MACROD2: variants seen among roughly 807,000 people sequenced by gnomAD.
The protein encoded by MACROD2 is ADP-ribose glycohydrolase MACROD2.
Under a neutral mutation model 70.4 loss-of-function variants are expected in MACROD2, and 36 were observed. The observed-to-expected ratio is 0.51, with a 90% CI of 0.39 to 0.68. The LOEUF (loss-of-function observed/expected upper bound fraction) is 0.68. Ranked by LOEUF, MACROD2 falls within the 30% of genes least tolerant of loss-of-function variation. MACROD2 has a pLI of 0.00. For synonymous variants in MACROD2, 172 were observed against 178.8 expected (o/e 0.96, Z 0.30); for missense variants, 496 against 538.4 (o/e 0.92, Z 0.78).
At chr20:14,512,061 G>A (rs149173885) in intron 4 of MACROD2, among the ~76,000 whole-genome samples, 1 of 152,224 alleles carries the variant, frequency 6.6e-6, no homozygotes, top group East Asian at 1.9e-4. Flanking sequence ...GCTGTCAAGA[G>A]TAGGGAAGAT....
chr20:14,821,307 G>C (rs1419092183), intron 5 of MACROD2, among the ~76,000 whole-genome samples: 4 of 151,956 alleles, frequency 2.6e-5, no homozygotes, highest in African/African-American at 9.7e-5. Context: ...TTTCACTAAG[G>C]GAAGTTTACA....
At chr20:14,906,724 A>G (rs74509040) in intron 5 of MACROD2, among the ~76,000 whole-genome samples, 1,688 of 152,296 alleles carry the variant, frequency 0.011, 32 homozygotes, top group East Asian at 0.057. Flanking sequence ...ATAAAAGAAC[A>G]GGATCTTTTT....
chr20:14,990,515 C>CTTTTTTT (rs541686087), intron 5 of MACROD2, among the ~76,000 whole-genome samples: 5 of 129,354 alleles, frequency 3.9e-5, no homozygotes, highest in Non-Finnish European at 5.0e-5. Flanking sequence ...TTTTCTTTTT[C>CTTTTTTT]TTTTTTTTTT....
At chr20:15,807,955 GACCCCTGACCTAATCA>G (rs1050267897) in intron 8 of MACROD2, among the ~76,000 whole-genome samples, 72 of 152,146 alleles carry the variant, frequency 4.7e-4, no homozygotes, top group African/African-American at 1.7e-3. Flanking sequence ...GTTAAAGATC[GACCCCTGACCTAATCA>G]GTTATTTGCA....
intron 7 of MACROD2, among the ~76,000 whole-genome samples, chr20:15,451,420 A>AAT (rs1174729042): frequency 1.6e-5 from 2 of 126,420 alleles, no homozygotes; most frequent in Non-Finnish European, 3.4e-5. Flanking sequence ...TGGTAAATAA[A>AAT]AAAAAAAAAA....
At chr20:14,152,263 T>C (rs1433832773) in intron 3 of MACROD2, among the ~76,000 whole-genome samples, 1 of 152,204 alleles carries the variant, frequency 6.6e-6, no homozygotes, top group Non-Finnish European at 1.5e-5. Flanking sequence ...TTTTTAAAAA[T>C]CAACTAAAAT....
intron 5 of MACROD2, among the ~76,000 whole-genome samples, chr20:14,892,366 T>A (rs575488094): frequency 5.0e-4 from 76 of 151,960 alleles, no homozygotes; most frequent in African/African-American, 1.8e-3. Context: ...TCCCAGCTAC[T>A]CAGGAGGCTG....
At chr20:15,991,061 A>C (rs2066551390) in intron 15 of MACROD2, among the ~76,000 whole-genome samples, 1 of 152,052 alleles carries the variant, frequency 6.6e-6, no homozygotes, top group South Asian at 2.1e-4. Flanking sequence ...CCAGGCAAAA[A>C]AAAATCAGCC....
intron 5 of MACROD2, among the ~76,000 whole-genome samples, chr20:14,919,223 T>A (rs1193841327): frequency 1.3e-5 from 2 of 152,182 alleles, no homozygotes; most frequent in African/African-American, 2.4e-5. Context: ...AAGAGCTTCG[T>A]TTTCTCCTGG....
chr20:14,227,960 CTT>C (rs2081758419), intron 3 of MACROD2, among the ~76,000 whole-genome samples: 1 of 151,984 alleles, frequency 6.6e-6, no homozygotes, highest in South Asian at 2.1e-4. Context: ...AATTAATAGA[CTT>C]TATTTTTAAG....
chr20:16,009,743 G>A (rs1009080719), intron 15 of MACROD2, among the ~76,000 whole-genome samples: 1 of 151,890 alleles, frequency 6.6e-6, no homozygotes, highest in African/African-American at 2.4e-5. Flanking sequence ...CGCGATAAGA[G>A]CAAGACTCTG....
intron 8 of MACROD2, among the ~76,000 whole-genome samples, chr20:15,812,395 GA>G (rs1157158969): frequency 6.6e-6 from 1 of 152,100 alleles, no homozygotes; most frequent in Non-Finnish European, 1.5e-5. Flanking sequence ...AATAAATATG[GA>G]GGACGGACAT....
In MACROD2 at chr20:15,155,038, A is replaced by T. The variant is rs534677455; in HGVS notation, c.419-74902A>T. On this transcript the variant is annotated intron_variant, in intron 5 of 17. Coordinates refer to ENST00000684519, the MANE Select transcript of MACROD2 (RefSeq NM_001351661.2). Reference sequence around the variant, plus strand: ...TTATGTCCTTGTGTTTCTTCAATTTAAAAAAAATGAAATAAGAAAAATAAT... The same window carrying T: ...TTATGTCCTTGTGTTTCTTCAATTTTAAAAAAATGAAATAAGAAAAATAAT... 5.4e-5 allele frequency among the ~76,000 whole-genome samples: 8 copies of T among 148,642 alleles called. No homozygotes were observed. In the South Asian group the frequency reaches 1.3e-3, roughly 23 times the overall value.
Position 15,042,129 on chromosome 20 carries a change from C to G in MACROD2, c.419-187811C>G, listed in dbSNP as rs567793880. 9.9e-5 allele frequency among the ~76,000 whole-genome samples: 15 copies of G among 152,216 alleles called. No individual in the cohort carries two copies. In the South Asian group the frequency reaches 2.9e-3, roughly 29 times the overall value. On this transcript the variant is annotated intron_variant, in intron 5 of 17. Transcript: ENST00000684519. ...TGAAAGAAAAAATAAAAAACAAGCT[C>G]TCTTTCCTAGGGATATAAATTATCC...
intron 5 of MACROD2, among the ~76,000 whole-genome samples, chr20:15,150,587 G>A (rs1372229817): frequency 6.6e-6 from 1 of 151,960 alleles, no homozygotes; most frequent in Non-Finnish European, 1.5e-5. Flanking sequence ...ATTGAGCGAG[G>A]TAAGGGTGAT....
chr20:14,580,239 C>G (rs1480410620), intron 4 of MACROD2, among the ~76,000 whole-genome samples: 4 of 152,254 alleles, frequency 2.6e-5, no homozygotes, highest in South Asian at 4.1e-4. Flanking sequence ...CACAGTGATG[C>G]TTTTAATTGC....
chr20:15,728,524 A>G (rs886868807), intron 8 of MACROD2, among the ~76,000 whole-genome samples: 1 of 151,950 alleles, frequency 6.6e-6, no homozygotes, highest in African/African-American at 2.4e-5. Flanking sequence ...AATTTGTCTG[A>G]TCCTGGGCTT....
intron 8 of MACROD2, among the ~76,000 whole-genome samples, chr20:15,694,003 A>G (rs138170454): frequency 0.043 from 6,575 of 152,162 alleles, 283 homozygotes; most frequent in East Asian, 0.21. Flanking sequence ...ACTTAGAATA[A>G]TAGTCTCCAA....
At chr20:14,720,569 T>TTGTGTGTGTG (rs1555821251) in intron 5 of MACROD2, among the ~76,000 whole-genome samples, 48 of 84,150 alleles carry the variant, frequency 5.7e-4, no homozygotes, top group African/African-American at 2.2e-3. Flanking sequence ...TTTTTTTTTT[T>TTGTGTGTGTG]TGTGAGGCAG....
Sources: allele counts gnomAD v4.1 joint callset (sites outside exome capture counted in the v4.1 genomes callset), GRCh38; gene constraint gnomAD v4.1.1; transcripts MANE v1.5; gene names NCBI Gene and HGNC (gene_info 2026-07-23, HGNC 2026-07-21).